STS: variants seen among roughly 807,000 people sequenced by gnomAD.
STS encodes steroid sulfatase, also known as steryl-sulfatase.
Under a neutral mutation model 26.8 loss-of-function variants are expected in STS, and 7 were observed. That is an observed-to-expected ratio of 0.26 (90% CI 0.15 to 0.49). STS has a LOEUF of 0.49. Ranked by LOEUF, STS falls within the 20% of genes least tolerant of loss-of-function variation. The pLI is 0.98. For missense variants in STS, 434 were observed against 465.6 expected (o/e 0.93, Z 0.63); for synonymous variants, 199 against 189.4 (o/e 1.05, Z -0.42).
rs1002000394 is a variant in STS, at chrX:7,190,889, G to A, written c.-124G>A. 1.1e-4 allele frequency: 51 copies of A among 444,382 alleles called. No homozygotes were observed. Among genetic ancestry groups the A allele is most frequent in the Non-Finnish European group, 1.3e-4 (48 of 357,651 alleles). The allele number at this position is 444,382 out of a possible 1,213,427, so 36.6% of individuals were successfully genotyped here. ...TTGAATGAATTCACAGGAAGAGCCC[G>A]ATGCCCTTGGTTTGACTCTACTAAG... On this transcript the variant is annotated 5_prime_UTR_variant, in exon 2 of 11. Transcript: ENST00000674429.
intron 2 of STS, among the ~76,000 whole-genome samples, chrX:7,208,779 T>A (rs769754451): frequency 9.0e-6 from 1 of 111,728 alleles, no homozygotes; most frequent in Non-Finnish European, 1.9e-5. Flanking sequence ...GTTCGGGAAG[T>A]CTTAAGCACA....
chrX:7,279,154 A>G (rs1924683461), intron 7 of STS, among the ~76,000 whole-genome samples: 1 of 107,881 alleles, frequency 9.3e-6, no homozygotes, highest in Non-Finnish European at 1.9e-5. Flanking sequence ...AAATACAAAA[A>G]TTAGCCGGGC....
At chrX:7,165,384 C>A (rs182954607) in intron 1 of STS, among the ~76,000 whole-genome samples, 10 of 111,040 alleles carry the variant, frequency 9.0e-5, no homozygotes, top group Non-Finnish European at 1.3e-4. Context: ...CATGGTGGCT[C>A]ACATCTATAG....
intron 2 of STS, among the ~76,000 whole-genome samples, chrX:7,217,670 GAAAGAGA>G (rs1171621519): frequency 9.0e-6 from 1 of 111,405 alleles, no homozygotes; most frequent in Non-Finnish European, 1.9e-5. Flanking sequence ...GAATCTGGTT[GAAAGAGA>G]GAAGAGAGAA....
chrX:7,245,378 G>T (rs1468753521), intron 2 of STS, among the ~76,000 whole-genome samples: 1 of 111,948 alleles, frequency 8.9e-6, no homozygotes, highest in Non-Finnish European at 1.9e-5. Flanking sequence ...GGTTGAACTG[G>T]CATGAGGGCC....
intron 8 of STS, among the ~76,000 whole-genome samples, chrX:7,319,270 C>A (rs1374820191): frequency 1.8e-5 from 2 of 110,773 alleles, no homozygotes; most frequent in East Asian, 2.9e-4. Context: ...AGTCCTCCCC[C>A]CTGAGTAGCT....
At chrX:7,237,291 G>GCA (rs1158675779) in intron 2 of STS, among the ~76,000 whole-genome samples, 1 of 107,896 alleles carries the variant, frequency 9.3e-6, no homozygotes, top group Admixed American at 1.0e-4. Context: ...ATACAAACAT[G>GCA]CACACACACA....
intron 8 of STS, 73 bp from the exon 9 acceptor site, chrX:7,325,266 A>G: frequency 1.8e-6 from 2 of 1,099,958 alleles, no homozygotes; most frequent in Non-Finnish European, 1.2e-6. Flanking sequence ...TGAGCACGAA[A>G]GAGTCCATTG....
chrX:7,198,579 G>A (rs980905421), intron 2 of STS, among the ~76,000 whole-genome samples: 5 of 111,556 alleles, frequency 4.5e-5, no homozygotes, highest in Non-Finnish European at 7.5e-5. Flanking sequence ...ATTTTTTTCC[G>A]GAAAAGGCTG....
intron 8 of STS, among the ~76,000 whole-genome samples, chrX:7,318,030 C>G (rs1033279683): frequency 1.8e-5 from 2 of 112,089 alleles, no homozygotes; most frequent in Non-Finnish European, 3.8e-5. Context: ...CCATCAATTA[C>G]TGGCTGTGTA....
intron 2 of STS, among the ~76,000 whole-genome samples, chrX:7,214,953 GTATATATATAT>G (rs1569191458): frequency 1.6e-4 from 13 of 82,546 alleles, no homozygotes; most frequent in Admixed American, 6.2e-4. Flanking sequence ...ACATATATAC[GTATATATATAT>G]TATATATGTA....
At chrX:7,158,031 T>G (rs755974483) in intron 1 of STS, among the ~76,000 whole-genome samples, 2 of 112,160 alleles carry the variant, frequency 1.8e-5, no homozygotes, top group Non-Finnish European at 3.8e-5. Context: ...TGTGGCATTA[T>G]AGCCCTGCCT....
intron 7 of STS, among the ~76,000 whole-genome samples, chrX:7,279,619 G>A (rs953655275): frequency 1.8e-5 from 2 of 108,973 alleles, no homozygotes; most frequent in African/African-American, 6.7e-5. Context: ...CTCCTCAGGG[G>A]TAGTCATATC....
intron 2 of STS, among the ~76,000 whole-genome samples, chrX:7,199,947 G>A (rs913754598): frequency 2.2e-4 from 24 of 110,646 alleles, no homozygotes; most frequent in African/African-American, 7.2e-4. Context: ...TAAAAGATAA[G>A]TATGTGAAGC....
chrX:7,337,700 A>G (rs1928099460), intron 10 of STS, among the ~76,000 whole-genome samples: 1 of 112,525 alleles, frequency 8.9e-6, no homozygotes, highest in East Asian at 2.8e-4. Flanking sequence ...TTATTAAACC[A>G]TTGTCTGTTT....
intron 1 of STS, among the ~76,000 whole-genome samples, chrX:7,182,381 T>A (rs1933697651): frequency 9.2e-6 from 1 of 108,885 alleles, no homozygotes; most frequent in Admixed American, 1.0e-4. Context: ...AGATACTCCT[T>A]ATCATGGGGT....
intron 2 of STS, among the ~76,000 whole-genome samples, chrX:7,245,027 A>C (rs1303905732): frequency 8.9e-6 from 1 of 112,110 alleles, no homozygotes; most frequent in Non-Finnish European, 1.9e-5. Context: ...GTAATGAAGT[A>C]GAGATGCAGA....
At chrX:7,263,375 G>T (rs1041485033) in intron 6 of STS, among the ~76,000 whole-genome samples, 4 of 112,842 alleles carry the variant, frequency 3.5e-5, no homozygotes, top group Non-Finnish European at 7.5e-5. Flanking sequence ...GGCCACGTTT[G>T]TATCTTTTAT....
chrX:7,279,377 GTATA>G (rs1166536226), intron 7 of STS, among the ~76,000 whole-genome samples: 2 of 72,014 alleles, frequency 2.8e-5, no homozygotes, highest in African/African-American at 5.3e-5. Context: ...GTGTGTGTGT[GTATA>G]TATATGTGTG....
Sources: allele counts gnomAD v4.1 joint callset (sites outside exome capture counted in the v4.1 genomes callset), GRCh38; gene constraint gnomAD v4.1.1; transcripts MANE v1.5; gene names NCBI Gene and HGNC (gene_info 2026-07-23, HGNC 2026-07-21).